Variants in GRIK1 observed in about 807,000 individuals in gnomAD.
The protein encoded by GRIK1 is glutamate receptor ionotropic, kainate 1.
A neutral mutation model predicts 105.7 loss-of-function variants in GRIK1; 69 were observed. The ratio of observed to expected loss-of-function variants is 0.65; its 90% CI spans 0.54 to 0.80. The LOEUF (loss-of-function observed/expected upper bound fraction) is 0.80, where lower values mean the gene tolerates loss of function less well. Among genes scored for constraint, GRIK1 ranks in the 30% least tolerant of loss-of-function variants. GRIK1 has a pLI of 0.00. For synonymous variants in GRIK1, 438 were observed against 431.3 expected (o/e 1.02, Z -0.19); for missense variants, 1,109 against 1,167.3 (o/e 0.95, Z 0.73).
At chr21:29,711,031 C>G (rs1169185578) in intron 1 of GRIK1, among the ~76,000 whole-genome samples, 4 of 151,888 alleles carry the variant, frequency 2.6e-5, no homozygotes, top group Non-Finnish European at 5.9e-5. Flanking sequence ...CTTATTTACT[C>G]ATATTTAATA....
intron 1 of GRIK1, among the ~76,000 whole-genome samples, chr21:29,750,172 C>T (rs1003911693): frequency 1.3e-4 from 19 of 151,864 alleles, no homozygotes; most frequent in Non-Finnish European, 2.8e-4. Context: ...ACAATCATAC[C>T]TAAACTAGTC....
chr21:29,582,247 G>C, intron 12 of GRIK1: 1 of 446,236 alleles, frequency 2.2e-6, no homozygotes, highest in Non-Finnish European at 4.6e-6. Context: ...TAACTACATA[G>C]CATGCCTCAC....
At chr21:29,877,627 C>A (rs1002536744) in intron 1 of GRIK1, among the ~76,000 whole-genome samples, 2 of 152,136 alleles carry the variant, frequency 1.3e-5, no homozygotes, top group African/African-American at 4.8e-5. Context: ...CACTTGGTAG[C>A]AGATATAACC....
intron 3 of GRIK1, among the ~76,000 whole-genome samples, chr21:29,683,790 T>C (rs2063427298): frequency 6.6e-6 from 1 of 152,214 alleles, no homozygotes; most frequent in African/African-American, 2.4e-5. Flanking sequence ...TATTAAATAT[T>C]GTCCTTTAGC....
intron 13 of GRIK1, among the ~76,000 whole-genome samples, chr21:29,578,925 T>C (rs1367826635): frequency 1.3e-5 from 2 of 152,210 alleles, no homozygotes; most frequent in Non-Finnish European, 2.9e-5. Context: ...TTAATAGATA[T>C]ATTTTTCTTA....
At chr21:29,933,999 A>AACATAAATG (rs11280761) in intron 1 of GRIK1, among the ~76,000 whole-genome samples, 1 of 151,380 alleles carries the variant, frequency 6.6e-6, no homozygotes, top group African/African-American at 2.4e-5. Context: ...AAAATTTTAG[A>AACATAAATG]ATATTTCCTA....
At chr21:29,751,851 A>G (rs188666854) in intron 1 of GRIK1, among the ~76,000 whole-genome samples, 1 of 152,320 alleles carries the variant, frequency 6.6e-6, no homozygotes, top group East Asian at 1.9e-4. Flanking sequence ...TTGCCATTCC[A>G]ATTCCACTTA....
chr21:29,930,132 A>G (rs2071516795), intron 1 of GRIK1, among the ~76,000 whole-genome samples: 1 of 152,230 alleles, frequency 6.6e-6, no homozygotes, highest in Non-Finnish European at 1.5e-5. Flanking sequence ...GTGGACATGC[A>G]TGGAAACAGC....
intron 1 of GRIK1, among the ~76,000 whole-genome samples, chr21:29,916,219 G>A (rs1032891126): frequency 2.0e-5 from 3 of 151,786 alleles, no homozygotes; most frequent in Admixed American, 2.0e-4. Flanking sequence ...GGAAAAATAT[G>A]TTTCAGTATA....
intron 1 of GRIK1, among the ~76,000 whole-genome samples, chr21:29,917,866 T>G (rs1204711846): frequency 6.6e-6 from 1 of 152,044 alleles, no homozygotes; most frequent in Non-Finnish European, 1.5e-5. Context: ...TAACATGTCT[T>G]CCTTCTCAAA....
At chr21:29,818,173 T>A (rs901944504) in intron 1 of GRIK1, among the ~76,000 whole-genome samples, 2 of 152,128 alleles carry the variant, frequency 1.3e-5, no homozygotes, top group African/African-American at 4.8e-5. Context: ...CCATTCCATA[T>A]ATTTCAACCA....
intron 4 of GRIK1, among the ~76,000 whole-genome samples, chr21:29,664,955 T>C (rs2063031968): frequency 6.6e-6 from 1 of 152,224 alleles, no homozygotes; most frequent in Non-Finnish European, 1.5e-5. Context: ...AGATGTGCCC[T>C]GACATACATA....
chr21:29,753,955 A>G (rs1417852616), intron 1 of GRIK1, among the ~76,000 whole-genome samples: 1 of 152,146 alleles, frequency 6.6e-6, no homozygotes, highest in Non-Finnish European at 1.5e-5. Context: ...ATCCAGTAAG[A>G]GGTATTGGGA....
intron 1 of GRIK1, among the ~76,000 whole-genome samples, chr21:29,904,018 A>T (rs904411932): frequency 6.6e-6 from 1 of 152,150 alleles, no homozygotes; most frequent in Non-Finnish European, 1.5e-5. Context: ...GCAAACTCTC[A>T]CAAGATCAGA....
chr21:29,713,037 T>A (rs988559802), intron 1 of GRIK1, among the ~76,000 whole-genome samples: 2 of 152,132 alleles, frequency 1.3e-5, no homozygotes, highest in Admixed American at 1.3e-4. Flanking sequence ...GCTGGACTTT[T>A]GTATGAGGAC....
intron 7 of GRIK1, among the ~76,000 whole-genome samples, chr21:29,622,691 T>C (rs1244369000): frequency 6.6e-6 from 1 of 152,216 alleles, no homozygotes; most frequent in Non-Finnish European, 1.5e-5. Flanking sequence ...CTGTGGGATA[T>C]GGCTAATATT....
In GRIK1 at chr21:29,752,916, A is replaced by G. The variant is rs77111646; in HGVS notation, c.119-58853T>C. On this transcript the variant is annotated intron_variant, in intron 1 of 17. Coordinates refer to ENST00000327783, the MANE Select transcript of GRIK1 (RefSeq NM_001330994.2). ...GAAAGGAGATTTCTTAAATGATTGG[A>G]GAAGGTGGGAGTGGAGGACTCTGCT... Among the ~76,000 whole-genome samples the G allele has an allele frequency of 1.9e-3, 290 of 152,340 alleles. 1 individual carries two copies. The highest frequency in any genetic ancestry group is 6.7e-3 in the African/African-American group (280 of 41,580).
At chr21:29,685,892 C>G (rs1002760048) in intron 3 of GRIK1, among the ~76,000 whole-genome samples, 8 of 152,194 alleles carry the variant, frequency 5.3e-5, no homozygotes, top group Admixed American at 1.3e-4. Context: ...TAGAACTCCT[C>G]TCCCCAAAAG....
At chr21:29,553,545 T>C (rs965765938) in intron 16 of GRIK1, 2 of 1,542,944 alleles carry the variant, frequency 1.3e-6, no homozygotes, top group Admixed American at 4.5e-5. Flanking sequence ...TTTTTTTTTT[T>C]TTAAACTGAT....
Sources: allele counts gnomAD v4.1 joint callset (sites outside exome capture counted in the v4.1 genomes callset), GRCh38; gene constraint gnomAD v4.1.1; transcripts MANE v1.5; gene names NCBI Gene and HGNC (gene_info 2026-07-23, HGNC 2026-07-21).